SFXN5: variants seen among roughly 807,000 people sequenced by gnomAD.
SFXN5 encodes the protein sideroflexin 5.
A neutral mutation model predicts 50.2 loss-of-function variants in SFXN5; 43 were observed. The observed-to-expected ratio is 0.86, with a 90% CI of 0.67 to 1.11. SFXN5 has a LOEUF of 1.11. Ranked by LOEUF, SFXN5 falls within the 50% of genes least tolerant of loss-of-function variation. The pLI is 0.00. For missense variants in SFXN5, 463 were observed against 454.1 expected (o/e 1.02, Z -0.18); for synonymous variants, 203 against 185.8 (o/e 1.09, Z -0.75).
At chr2:72,959,628 A>C (rs1673484666) in intron 13 of SFXN5, among the ~76,000 whole-genome samples, 1 of 148,770 alleles carries the variant, frequency 6.7e-6, no homozygotes. Context: ...TTTTCCTCCC[A>C]CCCCACTCCT....
chr2:73,013,106 G>C (rs533888879), intron 6 of SFXN5, among the ~76,000 whole-genome samples: 1 of 152,080 alleles, frequency 6.6e-6, no homozygotes, highest in Non-Finnish European at 1.5e-5. Flanking sequence ...TTGACAGCTG[G>C]GATATGCAGT....
intron 12 of SFXN5, among the ~76,000 whole-genome samples, chr2:72,963,699 G>A (rs570190151): frequency 3.3e-4 from 51 of 152,320 alleles, no homozygotes; most frequent in African/African-American, 1.1e-3. Flanking sequence ...GCCTGGGCCC[G>A]GAGCCAACTC....
intron 3 of SFXN5, among the ~76,000 whole-genome samples, chr2:73,039,411 GA>G (rs1425015876): frequency 1.6e-4 from 24 of 152,198 alleles, no homozygotes; most frequent in African/African-American, 4.8e-4. Context: ...AAACAAATTT[GA>G]AAAAGAGACA....
chr2:73,024,611 G>C (rs1053155124), intron 3 of SFXN5, among the ~76,000 whole-genome samples: 14 of 152,172 alleles, frequency 9.2e-5, no homozygotes, highest in African/African-American at 3.4e-4. Context: ...CCATGATTGT[G>C]CCACAGCACG....
intron 2 of SFXN5, among the ~76,000 whole-genome samples, chr2:73,044,010 G>C (rs891409903): frequency 6.6e-6 from 1 of 152,100 alleles, no homozygotes; most frequent in Non-Finnish European, 1.5e-5. Context: ...GTGATGCAGC[G>C]AGGCCCCCAC....
intron 3 of SFXN5, among the ~76,000 whole-genome samples, chr2:73,024,147 C>A (rs1222029332): frequency 1.3e-5 from 2 of 152,028 alleles, no homozygotes; most frequent in Non-Finnish European, 2.9e-5. Flanking sequence ...CCTCAGCCTC[C>A]TGAGTAGCTG....
At chr2:72,962,404 C>G (rs1359810146) in intron 12 of SFXN5, among the ~76,000 whole-genome samples, 2 of 152,264 alleles carry the variant, frequency 1.3e-5, no homozygotes, top group East Asian at 3.8e-4. Flanking sequence ...CCAACAGCAA[C>G]TGGCCCTGAG....
At chr2:73,033,494 G>T (rs1678576962) in intron 3 of SFXN5, among the ~76,000 whole-genome samples, 1 of 152,240 alleles carries the variant, frequency 6.6e-6, no homozygotes, top group Non-Finnish European at 1.5e-5. Context: ...GATAGTCAGG[G>T]TGGGTCTCAC....
intron 13 of SFXN5, among the ~76,000 whole-genome samples, chr2:72,957,824 A>G (rs564234763): frequency 3.3e-5 from 5 of 152,364 alleles, no homozygotes; most frequent in Admixed American, 6.5e-5. Context: ...GCTAGCCTGC[A>G]TCTTGTTGGG....
At chr2:73,053,039 T>C (rs539033201) in intron 2 of SFXN5, among the ~76,000 whole-genome samples, 163 of 152,244 alleles carry the variant, frequency 1.1e-3, no homozygotes, top group African/African-American at 3.5e-3. Context: ...TATCCGAGCA[T>C]GGTGGCATGC....
chr2:73,021,301 G>A (rs1351689023), intron 5 of SFXN5, among the ~76,000 whole-genome samples: 2 of 152,098 alleles, frequency 1.3e-5, no homozygotes, highest in Admixed American at 1.3e-4. Context: ...TGGCCAACAT[G>A]ATGAAACCCC....
intron 3 of SFXN5, 49 bp downstream of exon 3, chr2:73,040,805 C>G: frequency 6.8e-7 from 1 of 1,478,758 alleles, no homozygotes; most frequent in Non-Finnish European, 9.3e-7. Flanking sequence ...GAATTTCTCA[C>G]TTTCCTTCCC....
chr2:73,002,291 T>C (rs1428500919), intron 6 of SFXN5, among the ~76,000 whole-genome samples: 1 of 152,232 alleles, frequency 6.6e-6, no homozygotes, highest in Non-Finnish European at 1.5e-5. Flanking sequence ...TATGGGAACA[T>C]GTAGATCCAT....
chr2:72,996,507 G>GC (rs71404797), intron 9 of SFXN5: 5 of 125,370 alleles, frequency 4.0e-5, no homozygotes, highest in African/African-American at 1.5e-4. Context: ...GCTGAGTTTT[G>GC]TTTTTTTTTT....
intron 13 of SFXN5, among the ~76,000 whole-genome samples, chr2:72,947,046 C>T (rs1232128822): frequency 2.0e-5 from 3 of 152,230 alleles, no homozygotes; most frequent in African/African-American, 7.2e-5. Flanking sequence ...GTCTTCAGCT[C>T]ATCATCTTTC....
At position 72,961,507 on chromosome 2, in the gene SFXN5, C is replaced by T. The variant is rs1673742773; in HGVS notation, c.828-259G>A. Among the ~76,000 whole-genome samples the T allele has an allele frequency of 6.6e-6, 1 of 152,206 alleles. No homozygotes were observed. The highest frequency in any genetic ancestry group is 1.5e-5 in the Non-Finnish European group (1 of 68,022). On this transcript the variant is annotated intron_variant, in intron 12 of 13. Transcript: ENST00000272433. This position sits in a 1 kb window ranked among gnomAD's most constrained non-coding sequence, Gnocchi z 4.4. ...GCTGAAACCTCAATTACTCAGGTCA[C>T]GAATGAGTACTTTCGGGGCACCCAC... is the stretch of plus-strand genomic sequence containing the variant.
In SFXN5 at chr2:73,063,199, T is replaced by C. The variant is rs569500612; in HGVS notation, c.103-4603A>G. 3.3e-5 allele frequency among the ~76,000 whole-genome samples: 5 copies of C among 152,284 alleles called. No homozygotes were observed. The East Asian group carries it at 5.8e-4, about 18-fold the overall frequency. Reference sequence around the variant, plus strand: ...TTAAAGGGACTTCCAGATATAATTTTTCAGCAAACATTTGGACTGAGATTC... The same window carrying C: ...TTAAAGGGACTTCCAGATATAATTTCTCAGCAAACATTTGGACTGAGATTC... On this transcript the variant is annotated intron_variant, in intron 1 of 13. Transcript: ENST00000272433.
intron 10 of SFXN5, among the ~76,000 whole-genome samples, chr2:72,976,333 C>T (rs532122723): frequency 6.6e-6 from 1 of 151,964 alleles, no homozygotes; most frequent in Non-Finnish European, 1.5e-5. Context: ...AAGAAGATCA[C>T]ACACATTTTA....
At chr2:73,004,541 C>T (rs991993969) in intron 6 of SFXN5, among the ~76,000 whole-genome samples, 26 of 152,078 alleles carry the variant, frequency 1.7e-4, no homozygotes, top group Non-Finnish European at 1.2e-4. Context: ...CTAACGAAGG[C>T]GGAGGTAGGA....
Sources: gnomAD v4.1 joint callset for allele counts (sites outside exome capture counted in the v4.1 genomes callset) on GRCh38, gnomAD v4.1.1 for gene constraint, Gnocchi (gnomAD v3.1) non-coding constraint, MANE v1.5 for transcripts, NCBI Gene and HGNC (gene_info 2026-07-23, HGNC 2026-07-21) for gene names.